The following PTPN21 variants were observed in gnomAD, a reference collection of about 807,000 sequenced individuals.
The protein encoded by PTPN21 is tyrosine-protein phosphatase non-receptor type 21.
PTPN21 carries 77 observed loss-of-function variants against 131.8 expected under a neutral mutation model. That is an observed-to-expected ratio of 0.58 (90% CI 0.49 to 0.71). The LOEUF (loss-of-function observed/expected upper bound fraction) is 0.71. PTPN21 is among the 30% of genes least tolerant of loss of function. The pLI is 0.00. For synonymous variants in PTPN21, 715 were observed against 621.3 expected (o/e 1.15, Z -2.24); for missense variants, 1,552 against 1,527.1 (o/e 1.02, Z -0.27).
In PTPN21 at chr14:88,474,875, C is replaced by T. The variant is rs563392149; in HGVS notation, c.2512-1073G>A. On this transcript the variant is annotated intron_variant, in intron 13 of 18. Coordinates refer to ENST00000556564, the MANE Select transcript of PTPN21 (RefSeq NM_007039.4). ...CTGTAATCCTAGCACTTTGGGAGGC[C>T]GAGGTCAGGAGATTGAGACCATCCT... Among the ~76,000 whole-genome samples, 3 of 152,074 alleles carry T rather than the reference C, an allele frequency of 2.0e-5. No homozygotes were observed. The East Asian group carries it at 5.8e-4, about 29-fold the overall frequency.
At chr14:88,515,120 C>T (rs1226644501) in intron 3 of PTPN21, 1 of 152,172 alleles carries the variant, frequency 6.6e-6, no homozygotes, top group East Asian at 1.9e-4. Flanking sequence ...TGCGAGCATC[C>T]TTGAAGACTC....
chr14:88,483,039 C>T (rs1414782685), intron 12 of PTPN21, among the ~76,000 whole-genome samples: 2 of 151,810 alleles, frequency 1.3e-5, no homozygotes, highest in South Asian at 2.1e-4. Context: ...GGTGAAACCC[C>T]GTCTCTACTA....
chr14:88,541,512 T>G (rs1389559226), intron 2 of PTPN21, among the ~76,000 whole-genome samples: 1 of 152,236 alleles, frequency 6.6e-6, no homozygotes, highest in African/African-American at 2.4e-5. Flanking sequence ...AAAGGAAGAA[T>G]GAATCATCCA....
chr14:88,517,247 G>A lies in PTPN21; in HGVS notation c.195C>T (p.Ser65=). The change falls in exon 3 of 19, where the codon AGC becomes AGT. Residue 65 remains serine, a synonymous_variant. Transcript: ENST00000556564. ...RLELREVTYF[S]LWYYNKQNQR... is the part of the protein sequence containing the mutation. ...GATTTTGCTTGTTGTAGTACCAGAG[G>A]CTGAAGTAAGTGACCTGGAAAGACA... The A allele has an allele frequency of 8.1e-6, 13 of 1,614,020 alleles. No homozygotes were observed. The highest frequency in any genetic ancestry group is 1.1e-5 in the Non-Finnish European group (13 of 1,179,914).
intron 2 of PTPN21, among the ~76,000 whole-genome samples, chr14:88,534,283 T>C (rs2078596887): frequency 6.6e-6 from 1 of 151,202 alleles, no homozygotes; most frequent in South Asian, 2.1e-4. Context: ...CTTGGGAGGC[T>C]GAAGCACAAA....
chr14:88,478,906 G>T lies in PTPN21; in HGVS notation c.2511+14C>A. The T allele has an allele frequency of 6.9e-7, 1 of 1,453,304 alleles. No homozygotes were observed. Among genetic ancestry groups the T allele is most frequent in the South Asian group, 1.5e-5 (1 of 67,574 alleles). 90.0% of individuals were successfully genotyped at this position (1,453,304 alleles called of 1,614,324 possible). On this transcript the variant is annotated intron_variant, in intron 13 of 18. Transcript: ENST00000556564. ...GCGGTCCCCTGGCCCGGCACTGCTC[G>T]CCGCGTGGCTTACCCCTAGAGGCGG...
chr14:88,547,987 C>T (rs1050340805), intron 2 of PTPN21, among the ~76,000 whole-genome samples: 4 of 152,164 alleles, frequency 2.6e-5, no homozygotes, highest in Admixed American at 6.5e-5. Context: ...ACTCACCACA[C>T]GCTCCTCCTT....
rs763359952 is a variant in PTPN21 at position 88,550,449 on chromosome 14, G to A, written c.-32C>T. 1.2e-6 allele frequency: 2 copies of A among 1,600,308 alleles called. No homozygotes were observed. Among genetic ancestry groups the A allele is most frequent in the African/African-American group, 2.7e-5 (2 of 74,768 alleles). On this transcript the variant is annotated 5_prime_UTR_variant, in exon 2 of 19. Coordinates refer to ENST00000556564, the MANE Select transcript of PTPN21 (RefSeq NM_007039.4). ...CTTTCTTCAAGAATGGAGGAGCAAA[G>A]AGGGAAAAGCTACCCCCACCAACCC...
At chr14:88,472,007 G>T (rs2077478611) in intron 15 of PTPN21, among the ~76,000 whole-genome samples, 1 of 152,162 alleles carries the variant, frequency 6.6e-6, no homozygotes, top group African/African-American at 2.4e-5. Flanking sequence ...ATGGAGAGTA[G>T]ACATGACTTT....
Position 88,479,852 on chromosome 14 carries a change from G to C in PTPN21, c.1579C>G (p.Pro527Ala), listed in dbSNP as rs747991150. 2 of 1,564,136 alleles carry C rather than the reference G, an allele frequency of 1.3e-6. No individual in the cohort carries two copies. The highest frequency in any genetic ancestry group is 1.7e-6 in the Non-Finnish European group (2 of 1,159,440). Residue 527 changes from proline to alanine, a missense_variant, in exon 13 of 19, where the codon CCT (proline) becomes GCT (alanine). By Grantham distance (27) the Pro-to-Ala change is conservative. Around this residue, in one of 4 missense-constraint regions of PTPN21, gnomAD observed 1,016 missense variants for 883.5 expected, o/e 1.15. Coordinates refer to ENST00000556564, the MANE Select transcript of PTPN21 (RefSeq NM_007039.4). The stretch of plus-strand genomic sequence containing the variant: ...CCCACCACGGGCCGCCGCTCGGCAG[G>C]GTAGGGGTAGGGAGACGGGCTGTGG... ...SFHSPSPYPY[P>A]AERRPVVGAV...
intron 4 of PTPN21, 104 bp from the exon 5 acceptor site, chr14:88,505,475 T>A (rs1410592978): frequency 1.4e-6 from 1 of 714,442 alleles, no homozygotes; most frequent in Admixed American, 2.8e-5. Context: ...ATGCTAATAT[T>A]TCAGAAGTCA....
In PTPN21 at chr14:88,550,638, CGTTA is replaced by C; in HGVS notation, c.-202-23_-202-20del. On this transcript the variant is annotated intron_variant, in intron 1 of 18. Transcript: ENST00000556564. ...GCCAGCGCTGGGGAAAGAGGAACGC[CGTTA>C]GTTAAGCAAACGTAACGCTGGGCTT... is the stretch of plus-strand genomic sequence containing the variant. 1 of 475,852 alleles carries C rather than the reference CGTTA, an allele frequency of 2.1e-6. No individual in the cohort carries two copies. 29.5% of individuals were successfully genotyped at this position (475,852 alleles called of 1,614,324 possible).
At chr14:88,478,802 G>A (rs1159763933) in intron 13 of PTPN21, 118 bp downstream of exon 13, 1 of 559,604 alleles carries the variant, frequency 1.8e-6, no homozygotes, top group Non-Finnish European at 2.8e-6. Context: ...GTGACGTGGG[G>A]GAATGAAGAA....
chr14:88,529,621 A>G (rs12437422), intron 2 of PTPN21, among the ~76,000 whole-genome samples: 81,427 of 151,988 alleles, frequency 0.54, 24,527 homozygotes, highest in Middle Eastern at 0.7. Context: ...ACACCCAGGA[A>G]ATACATCACA....
intron 14 of PTPN21, 53 bp from the exon 15 acceptor site, chr14:88,472,518 CCTT>C (rs1336173510): frequency 1.4e-5 from 15 of 1,084,950 alleles, no homozygotes; most frequent in Non-Finnish European, 2.1e-5. Context: ...GTCGTGGCTA[CCTT>C]TTGACTGTAT....
chr14:88,517,698 GTA>G (rs1328245901), intron 2 of PTPN21, among the ~76,000 whole-genome samples: 1 of 80,624 alleles, frequency 1.2e-5, no homozygotes, highest in Non-Finnish European at 2.7e-5. Context: ...ATATGTGTGC[GTA>G]TGTGTATATA....
At chr14:88,498,781 C>A (rs541916403) in intron 8 of PTPN21, among the ~76,000 whole-genome samples, 1 of 152,206 alleles carries the variant, frequency 6.6e-6, no homozygotes, top group East Asian at 1.9e-4. Flanking sequence ...CACTAGGATT[C>A]AAAATCTTAT....
At chr14:88,533,286 G>A (rs139352164) in intron 2 of PTPN21, among the ~76,000 whole-genome samples, 49 of 152,184 alleles carry the variant, frequency 3.2e-4, no homozygotes, top group Admixed American at 2.4e-3. Context: ...TTACAGTCAC[G>A]TGCCGCATAA....
At chr14:88,476,129 C>T (rs1183961073) in intron 13 of PTPN21, among the ~76,000 whole-genome samples, 1 of 152,140 alleles carries the variant, frequency 6.6e-6, no homozygotes, top group Non-Finnish European at 1.5e-5. Context: ...AAAATCATTC[C>T]TACTTGTCTA....
Sources: gnomAD v4.1 joint callset for allele counts (sites outside exome capture counted in the v4.1 genomes callset) on GRCh38, gnomAD v4.1.1 for gene constraint, gnomAD v4.1.1 regional missense constraint, MANE v1.5 for transcripts, NCBI Gene and HGNC (gene_info 2026-07-23, HGNC 2026-07-21) for gene names.